Variants in CHSY3 observed in about 807,000 individuals in gnomAD.
CHSY3 encodes N-acetylgalactosaminyl-proteoglycan 3-beta-glucuronosyltransferase 3.
A neutral mutation model predicts 67.2 loss-of-function variants in CHSY3; 35 were observed. That is an observed-to-expected ratio of 0.52 (90% CI 0.40 to 0.69). The LOEUF is 0.69. Among genes scored for constraint, CHSY3 ranks in the 30% least tolerant of loss-of-function variants. The pLI is 0.00. For missense variants in CHSY3, 1,069 were observed against 1,138.5 expected (o/e 0.94, Z 0.88); for synonymous variants, 474 against 434.7 (o/e 1.09, Z -1.12).
intron 2 of CHSY3, among the ~76,000 whole-genome samples, chr5:130,126,380 G>A (rs1768288543): frequency 6.6e-6 from 1 of 152,070 alleles, no homozygotes; most frequent in African/African-American, 2.4e-5. Flanking sequence ...ATGGGCTTGT[G>A]TTTACAGTCA....
At chr5:130,139,324 A>T (rs1254173240) in intron 2 of CHSY3, among the ~76,000 whole-genome samples, 1 of 152,206 alleles carries the variant, frequency 6.6e-6, no homozygotes, top group Non-Finnish European at 1.5e-5. Context: ...TGAAGAGAGA[A>T]GTAGAAATTA....
intron 2 of CHSY3, among the ~76,000 whole-genome samples, chr5:130,066,495 C>T (rs983577931): frequency 6.6e-6 from 1 of 152,034 alleles, no homozygotes; most frequent in Non-Finnish European, 1.5e-5. Context: ...TTGTTCCATT[C>T]TCCAAACAAA....
chr5:130,078,989 A>G (rs1404965681), intron 2 of CHSY3, among the ~76,000 whole-genome samples: 2 of 152,184 alleles, frequency 1.3e-5, no homozygotes, highest in Non-Finnish European at 1.5e-5. Flanking sequence ...TTAAGTATAT[A>G]CTGAGATTTC....
intron 2 of CHSY3, among the ~76,000 whole-genome samples, chr5:130,176,020 G>C (rs1770037712): frequency 6.6e-6 from 1 of 152,068 alleles, no homozygotes; most frequent in African/African-American, 2.4e-5. Flanking sequence ...TTAAACTAAA[G>C]AGCTTCTGCA....
At chr5:129,928,255 A>G (rs951202155) in intron 2 of CHSY3, among the ~76,000 whole-genome samples, 2 of 138,336 alleles carry the variant, frequency 1.4e-5, no homozygotes, top group African/African-American at 2.7e-5. Flanking sequence ...GAGGGAGAAA[A>G]TAAATTTTTT....
intron 2 of CHSY3, among the ~76,000 whole-genome samples, chr5:130,081,619 A>G (rs1766450116): frequency 6.6e-6 from 1 of 152,012 alleles, no homozygotes; most frequent in Non-Finnish European, 1.5e-5. Context: ...AGGTAATTGA[A>G]TCATGGGGGC....
At chr5:130,016,423 T>C (rs1335179341) in intron 2 of CHSY3, among the ~76,000 whole-genome samples, 1 of 152,198 alleles carries the variant, frequency 6.6e-6, no homozygotes, top group Non-Finnish European at 1.5e-5. Flanking sequence ...TTTATTATTA[T>C]TTTTTGAGAC....
intron 1 of CHSY3, 34 bp downstream of exon 1, chr5:129,905,665 G>T (rs748100153): frequency 6.2e-7 from 1 of 1,604,036 alleles, no homozygotes; most frequent in East Asian, 2.2e-5. Context: ...CAGCCTGCCA[G>T]TCTCCCCGAC....
At chr5:130,182,638 AT>A (rs1770282578) in intron 2 of CHSY3, among the ~76,000 whole-genome samples, 1 of 152,138 alleles carries the variant, frequency 6.6e-6, no homozygotes, top group Non-Finnish European at 1.5e-5. Context: ...ATAAACCTTT[AT>A]GTTTACATCA....
At chr5:130,112,451 A>G (rs1175590835) in intron 2 of CHSY3, among the ~76,000 whole-genome samples, 2 of 152,086 alleles carry the variant, frequency 1.3e-5, no homozygotes, top group Non-Finnish European at 2.9e-5. Flanking sequence ...TTGCATTTCT[A>G]AGTTTCAAGT....
chr5:130,120,486 GAA>G (rs34727574), intron 2 of CHSY3, among the ~76,000 whole-genome samples: 11,198 of 95,992 alleles, frequency 0.12, 473 homozygotes, highest in African/African-American at 0.17. Flanking sequence ...ATTTCTGAAA[GAA>G]AAAAAAAAAA....
At chr5:130,129,895 A>T (rs1768424989) in intron 2 of CHSY3, among the ~76,000 whole-genome samples, 1 of 152,104 alleles carries the variant, frequency 6.6e-6, no homozygotes, top group South Asian at 2.1e-4. Context: ...ATACATATAA[A>T]CTAGTATTCA....
intron 2 of CHSY3, among the ~76,000 whole-genome samples, chr5:130,143,798 A>G (rs1161796397): frequency 2.8e-4 from 25 of 89,230 alleles, no homozygotes; most frequent in African/African-American, 1.1e-3. Flanking sequence ...ATATATATAT[A>G]TATATATGTG....
At chr5:130,074,684 GA>G (rs1766194976) in intron 2 of CHSY3, among the ~76,000 whole-genome samples, 1 of 152,100 alleles carries the variant, frequency 6.6e-6, no homozygotes. Context: ...CTTGAGAGAA[GA>G]AATAATTTAT....
At chr5:129,932,140 A>ATGTATATATATATATATATATATATATG (rs1554070945) in intron 2 of CHSY3, among the ~76,000 whole-genome samples, 1 of 136,348 alleles carries the variant, frequency 7.3e-6, no homozygotes, top group African/African-American at 3.0e-5. Flanking sequence ...ATATATATAT[A>ATGTATATATATATATATATATATATATG]TATGTATATG....
chr5:130,048,487 T>C lies in CHSY3; in HGVS notation c.1087-135742T>C, dbSNP rs116998748. Among the ~76,000 whole-genome samples the C allele has an allele frequency of 5.3e-5, 8 of 152,154 alleles. 1 individual carries two copies. In the East Asian group the frequency reaches 1.5e-3, roughly 29 times the overall value. On this transcript the variant is annotated intron_variant, in intron 2 of 2. Transcript: ENST00000305031. ...AATTAATACAGCAGGTGCAGCTGTT[T>C]TCTTTTTCTGTCTCCTTAAATCTAT...
chr5:130,111,146 C>A (rs547401391), intron 2 of CHSY3, among the ~76,000 whole-genome samples: 16 of 152,060 alleles, frequency 1.1e-4, no homozygotes, highest in Non-Finnish European at 2.2e-4. Context: ...TTGCCAGCCC[C>A]ATGGCATGAA....
chr5:129,916,205 G>A (rs983346032), intron 2 of CHSY3, among the ~76,000 whole-genome samples: 3 of 152,204 alleles, frequency 2.0e-5, no homozygotes, highest in African/African-American at 4.8e-5. Context: ...GGAAGTTTGA[G>A]ATATGCATAT....
chr5:129,985,624 C>T (rs934965879), intron 2 of CHSY3, among the ~76,000 whole-genome samples: 2 of 151,954 alleles, frequency 1.3e-5, no homozygotes, highest in Non-Finnish European at 2.9e-5. Context: ...TGCAGTATGG[C>T]CATTTTAACG....
Sources: gnomAD v4.1 joint callset for allele counts (sites outside exome capture counted in the v4.1 genomes callset) on GRCh38, gnomAD v4.1.1 for gene constraint, MANE v1.5 for transcripts, NCBI Gene and HGNC (gene_info 2026-07-23, HGNC 2026-07-21) for gene names.